CRPPA: variants seen among roughly 807,000 people sequenced by gnomAD.
The protein encoded by CRPPA is CDP-L-ribitol pyrophosphorylase A.
A neutral mutation model predicts 52.0 loss-of-function variants in CRPPA; 43 were observed. The observed-to-expected ratio is 0.83, with a 90% confidence interval of 0.65 to 1.07. The LOEUF (loss-of-function observed/expected upper bound fraction) is 1.07, where lower values mean the gene tolerates loss of function less well. CRPPA is among the 50% of genes least tolerant of loss of function. The pLI is 0.00. For synonymous variants in CRPPA, 250 were observed against 203.5 expected (o/e 1.23, Z -1.94); for missense variants, 629 against 551.7 (o/e 1.14, Z -1.40).
chr7:16,230,657 G>C (rs1451796042), intron 8 of CRPPA, among the ~76,000 whole-genome samples: 1 of 152,052 alleles, frequency 6.6e-6, no homozygotes, highest in Non-Finnish European at 1.5e-5. Flanking sequence ...TCAGTCACTT[G>C]TACCACATTT....
At chr7:16,105,243 T>A (rs1334828447) in intron 9 of CRPPA, among the ~76,000 whole-genome samples, 5 of 152,128 alleles carry the variant, frequency 3.3e-5, no homozygotes, top group African/African-American at 9.7e-5. Flanking sequence ...CCCCAACACT[T>A]GGAAACAAGA....
At chr7:16,416,263 T>G (rs1788188976) in intron 1 of CRPPA, among the ~76,000 whole-genome samples, 2 of 152,220 alleles carry the variant, frequency 1.3e-5, no homozygotes, top group African/African-American at 4.8e-5. Context: ...AAGCAATTTT[T>G]GGGAAAAGGA....
chr7:16,413,949 T>C (rs1788128815), intron 1 of CRPPA, among the ~76,000 whole-genome samples: 1 of 152,130 alleles, frequency 6.6e-6, no homozygotes, highest in Non-Finnish European at 1.5e-5. Flanking sequence ...AAACTGAAAA[T>C]ATTCTGAAAC....
chr7:16,331,241 C>T (rs923967112), intron 3 of CRPPA, among the ~76,000 whole-genome samples: 7 of 152,064 alleles, frequency 4.6e-5, no homozygotes, highest in Non-Finnish European at 8.8e-5. Context: ...CCTCGTGATC[C>T]GCCTGCCTCG....
intron 4 of CRPPA, among the ~76,000 whole-genome samples, chr7:16,304,418 G>A (rs1046913767): frequency 2.6e-5 from 4 of 152,048 alleles, no homozygotes; most frequent in African/African-American, 9.7e-5. Context: ...TTACCAAAAC[G>A]TATTTATAAA....
At chr7:16,212,745 T>A (rs1364250872) in intron 9 of CRPPA, among the ~76,000 whole-genome samples, 1 of 152,194 alleles carries the variant, frequency 6.6e-6, no homozygotes, top group African/African-American at 2.4e-5. Flanking sequence ...ATGTGGAAGT[T>A]CTGACATCTG....
chr7:16,399,360 T>C (rs1453175923), intron 2 of CRPPA, among the ~76,000 whole-genome samples: 1 of 151,362 alleles, frequency 6.6e-6, no homozygotes, highest in Non-Finnish European at 1.5e-5. Flanking sequence ...CTGACATGAT[T>C]GACGTGACAC....
In CRPPA at chr7:16,421,301, T is replaced by G; in HGVS notation, c.22A>C (p.Ser8Arg). The G allele has an allele frequency of 7.9e-7, 1 of 1,263,572 alleles. No individual in the cohort carries two copies. Among genetic ancestry groups the G allele is most frequent in the Non-Finnish European group, 1.0e-6 (1 of 999,808 alleles). The allele number at this position is 1,263,572 out of a possible 1,614,324, so 78.3% of individuals were successfully genotyped here. A position where few individuals can be genotyped will look rare whatever the true frequency, so the allele number is the denominator to read the frequency against. ...GGACCCGGCTCCGCCGGCCTGGCGC[T>G]GCCCGGCGGCCCGGCCTCCATGGCT... MEAGPPGSARPAEPGPCL... is the reference protein window; with the variant it reads MEAGPPGRARPAEPGPCL... Residue 8 changes from serine to arginine, a missense_variant, in exon 1 of 10, where the codon AGC becomes CGC. Coordinates refer to ENST00000407010, the MANE Select transcript of CRPPA (RefSeq NM_001101426.4).
At chr7:16,413,987 C>CA (rs1327501811) in intron 1 of CRPPA, among the ~76,000 whole-genome samples, 1 of 152,108 alleles carries the variant, frequency 6.6e-6, no homozygotes, top group Non-Finnish European at 1.5e-5. Flanking sequence ...GATTAACATA[C>CA]AATGATACAC....
At chr7:16,380,864 A>G (rs1477037645) in intron 2 of CRPPA, among the ~76,000 whole-genome samples, 1 of 151,814 alleles carries the variant, frequency 6.6e-6, no homozygotes, top group Non-Finnish European at 1.5e-5. Flanking sequence ...CATTGTGTCT[A>G]TTTGATTCTT....
chr7:16,307,890 T>C (rs1225084599), intron 4 of CRPPA, among the ~76,000 whole-genome samples: 1 of 144,212 alleles, frequency 6.9e-6, no homozygotes, highest in African/African-American at 2.6e-5. Context: ...CAGGCAAAGT[T>C]GTAGCTTTAA....
At chr7:16,126,622 A>C (rs368234291) in intron 9 of CRPPA, among the ~76,000 whole-genome samples, 1 of 152,212 alleles carries the variant, frequency 6.6e-6, no homozygotes, top group African/African-American at 2.4e-5. Flanking sequence ...CTAGAATTGC[A>C]TTTGGAGATA....
intron 3 of CRPPA, among the ~76,000 whole-genome samples, chr7:16,365,478 A>T (rs1786567041): frequency 6.6e-6 from 1 of 152,232 alleles, no homozygotes; most frequent in South Asian, 2.1e-4. Context: ...AGTAATTAAC[A>T]GAAAATGAAA....
intron 4 of CRPPA, 66 bp from the exon 5 acceptor site, chr7:16,301,532 T>C (rs372063619): frequency 8.6e-7 from 1 of 1,158,856 alleles, no homozygotes; most frequent in African/African-American, 1.5e-5. Flanking sequence ...AATAAAATAA[T>C]GCCCCCAAGG....
intron 9 of CRPPA, among the ~76,000 whole-genome samples, chr7:16,142,247 G>C (rs1003572514): frequency 3.3e-5 from 5 of 152,082 alleles, no homozygotes; most frequent in African/African-American, 7.2e-5. Flanking sequence ...GTGCAGGTTT[G>C]TTACATAGGT....
intron 2 of CRPPA, among the ~76,000 whole-genome samples, chr7:16,387,825 C>T (rs1474487632): frequency 6.6e-6 from 1 of 152,226 alleles, no homozygotes; most frequent in Non-Finnish European, 1.5e-5. Flanking sequence ...TACCACCCAA[C>T]AACAGCAGAA....
chr7:16,213,808 A>G (rs1443979154), intron 9 of CRPPA, among the ~76,000 whole-genome samples: 5 of 151,968 alleles, frequency 3.3e-5, no homozygotes, highest in Non-Finnish European at 7.4e-5. Context: ...CCCTTAGTCT[A>G]TTTTAAGTAT....
rs57824034 is a variant in CRPPA, at chr7:16,177,058, T to C, written c.1251+39008A>G. ...AAAAGTGAGACTCAACTCAGTAAGT[T>C]ACACATGGTTTCAATGCATTTATAT... On this transcript the variant is annotated intron_variant, in intron 9 of 9. Coordinates refer to ENST00000407010, the MANE Select transcript of CRPPA (RefSeq NM_001101426.4). 5.6e-3 allele frequency among the ~76,000 whole-genome samples: 854 copies of C among 152,246 alleles called. 9 individuals are homozygous for C. The highest frequency in any genetic ancestry group is 0.019 in the African/African-American group (806 of 41,552).
chr7:16,151,672 T>C (rs148894496), intron 9 of CRPPA, among the ~76,000 whole-genome samples: 9 of 152,242 alleles, frequency 5.9e-5, no homozygotes, highest in Non-Finnish European at 8.8e-5. Context: ...TCTATTAATA[T>C]ATTTACATTC....
Sources: allele counts gnomAD v4.1 joint callset (sites outside exome capture counted in the v4.1 genomes callset), GRCh38; gene constraint gnomAD v4.1.1; transcripts MANE v1.5; gene names NCBI Gene and HGNC (gene_info 2026-07-23, HGNC 2026-07-21).